Variants in MASTL observed in about 807,000 individuals in gnomAD.
MASTL encodes serine/threonine-protein kinase greatwall.
In MASTL, 54 loss-of-function variants were observed where a neutral mutation model predicts 82.5. The ratio of observed to expected loss-of-function variants is 0.65; its 90% CI spans 0.53 to 0.82. The LOEUF (loss-of-function observed/expected upper bound fraction) is 0.82. Among genes scored for constraint, MASTL ranks in the 40% least tolerant of loss-of-function variants. MASTL has a pLI of 0.00. For synonymous variants in MASTL, 323 were observed against 368.9 expected (o/e 0.88, Z 1.43); for missense variants, 950 against 1,047.8 (o/e 0.91, Z 1.29).
chr10:27,157,714 C>T (rs181991388), intron 1 of MASTL, among the ~76,000 whole-genome samples: 1 of 152,128 alleles, frequency 6.6e-6, no homozygotes, highest in African/African-American at 2.4e-5. Context: ...TACCTTGAAA[C>T]TTGAAAAGAG....
chr10:27,156,547 T>G (rs773347950), intron 1 of MASTL, among the ~76,000 whole-genome samples: 5 of 152,196 alleles, frequency 3.3e-5, no homozygotes, highest in Non-Finnish European at 7.3e-5. Context: ...TCGCCCAGGC[T>G]GGAGTGCTGT....
chr10:27,159,494 A>G lies in MASTL; in HGVS notation c.325-125A>G, dbSNP rs543182214. On this transcript the variant is annotated intron_variant, in intron 2 of 11. Coordinates refer to ENST00000375940, the MANE Select transcript of MASTL (RefSeq NM_001172303.3). This position sits in a 1 kb window ranked among gnomAD's most constrained non-coding sequence, Gnocchi z 4.0. ...AACCTAGTATTAATGTATTACGAGT[A>G]ATAGCAAGAAAAGGTCGTTTCATTA... is the stretch of plus-strand genomic sequence containing the variant. The G allele has an allele frequency of 1.2e-4, 76 of 659,920 alleles. No individual in the cohort carries two copies. Among genetic ancestry groups the G allele is most frequent in the Non-Finnish European group, 1.9e-4 (73 of 376,970 alleles). 40.9% of individuals were successfully genotyped at this position (659,920 alleles called of 1,614,324 possible).
At chr10:27,164,524 T>A (rs1461175063) in intron 4 of MASTL, among the ~76,000 whole-genome samples, 3 of 152,254 alleles carry the variant, frequency 2.0e-5, no homozygotes, top group Non-Finnish European at 4.4e-5. Flanking sequence ...TTTTAAAATA[T>A]TATGCACTGA....
At chr10:27,181,304 T>C (rs1450927326) in intron 10 of MASTL, among the ~76,000 whole-genome samples, 176 bp from the exon 11 acceptor site, 1 of 152,090 alleles carries the variant, frequency 6.6e-6, no homozygotes, top group Admixed American at 6.5e-5. Flanking sequence ...AGCAGGAGAA[T>C]CGCTTGAACC....
chr10:27,186,420 A>G lies in MASTL; in HGVS notation c.2524A>G (p.Asn842Asp), dbSNP rs778267080. The G allele has an allele frequency of 6.2e-7, 1 of 1,614,164 alleles. No homozygotes were observed. The highest frequency in any genetic ancestry group is 8.5e-7 in the Non-Finnish European group (1 of 1,180,020). The change falls in exon 12 of 12, where the codon AAT becomes GAT. Residue 842 changes from asparagine to aspartate, a missense_variant. Asn to Asp is a conservative substitution (Grantham distance 23). Coordinates refer to ENST00000375940, the MANE Select transcript of MASTL (RefSeq NM_001172303.3). Reference protein sequence around the residue: ...HPLFSDVDWENLQHQTMPFIP... With the variant: ...HPLFSDVDWEDLQHQTMPFIP... ...TCTCTTCAGTGATGTGGACTGGGAAAATCTGCAGCATCAGACTATGCCTTT... is the reference window on the plus strand; with the variant it reads ...TCTCTTCAGTGATGTGGACTGGGAAGATCTGCAGCATCAGACTATGCCTTT...
chr10:27,177,327 T>C (rs1256332429), intron 9 of MASTL, among the ~76,000 whole-genome samples: 1 of 152,252 alleles, frequency 6.6e-6, no homozygotes, highest in Non-Finnish European at 1.5e-5. Context: ...TCTTTTGCTC[T>C]GTCACAGATT....
At chr10:27,173,997 T>C (rs548106814) in intron 9 of MASTL, among the ~76,000 whole-genome samples, 33 of 152,264 alleles carry the variant, frequency 2.2e-4, no homozygotes, top group Middle Eastern at 6.8e-3. Flanking sequence ...TTATTCTCAG[T>C]TATATCCTTA....
intron 4 of MASTL, 93 bp from the exon 5 acceptor site, chr10:27,164,971 A>C: frequency 1.2e-6 from 1 of 856,096 alleles, no homozygotes; most frequent in Non-Finnish European, 1.9e-6. Flanking sequence ...GTTTACAAAA[A>C]ATTGTTTTGT....
rs1432398085 is a variant in MASTL at position 27,155,631 on chromosome 10, G to A, written c.186+19G>A. ...AGTAAAGGTAGGAAGTCAACGAGTA[G>A]CAAGGAAGGGGTTAGGCCCTTCGGC... On this transcript the variant is annotated intron_variant, in intron 1 of 11. Transcript: ENST00000375940. The A allele has an allele frequency of 1.2e-6, 2 of 1,613,744 alleles. No homozygotes were observed. The highest frequency in any genetic ancestry group is 1.7e-6 in the Non-Finnish European group (2 of 1,179,836).
chr10:27,167,231 A>G lies in MASTL; in HGVS notation c.941A>G (p.Glu314Gly). The G allele has an allele frequency of 6.2e-7, 1 of 1,614,058 alleles. No homozygotes were observed. The highest frequency in any genetic ancestry group is 1.3e-5 in the African/African-American group (1 of 75,072). ...TCCCACACCTTCATATCCAGTGTGG[A>G]ATCAGAATGCCACAGCAGTCCCAAA... is the stretch of plus-strand genomic sequence containing the variant. ...SQSHTFISSV[E>G]SECHSSPKWE... Residue 314 changes from glutamate (E) to glycine (G), a missense_variant, in exon 7 of 12, where the codon GAA becomes GGA. By Grantham distance (98) the Glu-to-Gly change is moderately conservative (BLOSUM62 -2). Transcript: ENST00000375940.
chr10:27,167,279 G>A lies in MASTL; in HGVS notation c.984+5G>A, dbSNP rs764347623. The A allele has an allele frequency of 1.2e-5, 20 of 1,610,488 alleles. No individual in the cohort carries two copies. Among genetic ancestry groups the A allele is most frequent in the Non-Finnish European group, 1.6e-5 (19 of 1,176,834 alleles). ...AAATGGGAAAAAGATTGCCAGGTTT[G>A]AGGGACATTTATCTTAATGAAAATC... is the stretch of plus-strand genomic sequence containing the variant. On this transcript the variant is annotated splice_donor_5th_base_variant and intron_variant, in intron 7 of 11. Transcript: ENST00000375940.
intron 8 of MASTL, 122 bp from the exon 9 acceptor site, chr10:27,172,996 G>C: frequency 3.6e-6 from 4 of 1,121,166 alleles, no homozygotes; most frequent in Non-Finnish European, 5.2e-6. Flanking sequence ...TCAAAAATTT[G>C]ACTACATCCT....
chr10:27,172,421 A>C (rs2136091470), intron 8 of MASTL, among the ~76,000 whole-genome samples: 1 of 152,192 alleles, frequency 6.6e-6, no homozygotes, highest in East Asian at 1.9e-4. Context: ...TTGGGAGGCC[A>C]AGGTGGGAGG....
chr10:27,177,876 TA>T, intron 9 of MASTL: 1 of 612,528 alleles, frequency 1.6e-6, no homozygotes, highest in Non-Finnish European at 2.0e-6. Flanking sequence ...AGTCAAAGTA[TA>T]ACTAGATCAC....
At chr10:27,158,508 A>C in intron 1 of MASTL, 41 bp from the exon 2 acceptor site, 1 of 1,496,032 alleles carries the variant, frequency 6.7e-7, no homozygotes, top group Non-Finnish European at 9.3e-7. Flanking sequence ...TCTGTCTCAA[A>C]ATAAAATAAC....
At chr10:27,173,933 A>T (rs1205407452) in intron 9 of MASTL, among the ~76,000 whole-genome samples, 2 of 152,064 alleles carry the variant, frequency 1.3e-5, no homozygotes, top group African/African-American at 4.8e-5. Context: ...TCAGGACCAC[A>T]ATGTTGGGTC....
Position 27,170,282 on chromosome 10 carries a change from A to C in MASTL, c.1323A>C (p.Arg441Ser). Reference sequence around the variant, plus strand: ...TATCTGAAGAGCACCTTGGGAAAAGAAGTTTAAAAAGAAATTTTGAGTTGG... The same window carrying C: ...TATCTGAAGAGCACCTTGGGAAAAGCAGTTTAAAAAGAAATTTTGAGTTGG... ...GGISEEHLGK[R>S]SLKRNFELVD... Residue 441 changes from arginine to serine, a missense_variant, in exon 8 of 12, where the codon AGA (arginine) becomes AGC (serine). Coordinates refer to ENST00000375940, the MANE Select transcript of MASTL (RefSeq NM_001172303.3). 3.1e-6 allele frequency: 5 copies of C among 1,614,108 alleles called. No individual in the cohort carries two copies. The highest frequency in any genetic ancestry group is 2.5e-6 in the Non-Finnish European group (3 of 1,179,968).
chr10:27,185,151 G>C (rs1216839634), intron 11 of MASTL, among the ~76,000 whole-genome samples: 3 of 152,148 alleles, frequency 2.0e-5, no homozygotes, highest in Non-Finnish European at 2.9e-5. Context: ...AAGGGAGAAG[G>C]GGGTGAGCTT....
intron 9 of MASTL, among the ~76,000 whole-genome samples, chr10:27,178,173 C>T (rs1019760654): frequency 1.3e-5 from 2 of 152,288 alleles, no homozygotes; most frequent in African/African-American, 4.8e-5. Context: ...AGGCAGGTCA[C>T]CTGAGGTCAG....
Sources: gnomAD v4.1 joint callset for allele counts (sites outside exome capture counted in the v4.1 genomes callset) on GRCh38, gnomAD v4.1.1 for gene constraint, Gnocchi (gnomAD v3.1) non-coding constraint, MANE v1.5 for transcripts, NCBI Gene and HGNC (gene_info 2026-07-23, HGNC 2026-07-21) for gene names.